Variants in ELOVL2 observed in about 807,000 individuals in gnomAD.
ELOVL2 encodes the protein ELOVL fatty acid elongase 2, also known as very long chain fatty acid elongase 2.
Under a neutral mutation model 37.7 loss-of-function variants are expected in ELOVL2, and 38 were observed. The observed-to-expected ratio is 1.01, with a 90% confidence interval of 0.78 to 1.32. The LOEUF (loss-of-function observed/expected upper bound fraction) is 1.32, where lower values mean the gene tolerates loss of function less well. ELOVL2 is among the 40% of genes most tolerant of loss of function. ELOVL2 has a pLI of 0.00. For synonymous variants in ELOVL2, 115 were observed against 122.3 expected, an observed-to-expected ratio of 0.94 and a Z score of 0.40; for missense variants, 352 against 363.6, an observed-to-expected ratio of 0.97 and a Z score of 0.26.
rs181000324 is a variant in ELOVL2 at position 10,983,444 on chromosome 6, T to C, written c.*337A>G. On this transcript the variant is annotated 3_prime_UTR_variant, in exon 8 of 8. Transcript: ENST00000354666. ...AACAAAACCCTTTTTATTTGGAGAC[T>C]CTCTGTGAGAAACAATGCTCCACGT... 116 of 178,220 alleles carry C rather than the reference T, an allele frequency of 6.5e-4. No individual in the cohort carries two copies. Among genetic ancestry groups the C allele is most frequent in the Non-Finnish European group, 1.1e-3 (96 of 85,026 alleles). 11.0% of individuals were successfully genotyped at this position (178,220 alleles called of 1,614,324 possible).
In ELOVL2 at chr6:10,983,140, A is replaced by G. The variant is rs1352495461; in HGVS notation, c.*641T>C. Reference sequence around the variant, plus strand: ...GAAGCATTTTTTTCTCCTTAGAATAACTAATATTTAAAATAAATACCAATT... The same window carrying G: ...GAAGCATTTTTTTCTCCTTAGAATAGCTAATATTTAAAATAAATACCAATT... On this transcript the variant is annotated 3_prime_UTR_variant, in exon 8 of 8. Transcript: ENST00000354666. 2.0e-5 allele frequency: 3 copies of G among 152,226 alleles called. No homozygotes were observed. The highest frequency in any genetic ancestry group is 7.2e-5 in the African/African-American group (3 of 41,460). 9.4% of individuals were successfully genotyped at this position (152,226 alleles called of 1,614,324 possible).
At position 11,000,207 on chromosome 6, in the gene ELOVL2, A is replaced by G. The variant is rs749521400; in HGVS notation, c.256-43T>C. The G allele has an allele frequency of 9.0e-6, 14 of 1,559,306 alleles. No individual in the cohort carries two copies. The Admixed American group carries it at 2.4e-4, about 26-fold the overall frequency. On this transcript the variant is annotated intron_variant, in intron 3 of 7. Coordinates refer to ENST00000354666, the MANE Select transcript of ELOVL2 (RefSeq NM_017770.4). ...AAGAAAGAAAAACAAACATCAGCAC[A>G]AGAATTTGGATACAGACTGAATTTC...
At chr6:11,036,694 C>T (rs1271043311) in intron 1 of ELOVL2, among the ~76,000 whole-genome samples, 1 of 151,702 alleles carries the variant, frequency 6.6e-6, no homozygotes, top group African/African-American at 2.4e-5. Flanking sequence ...TTCCCTGTAA[C>T]AATTTCAGGA....
intron 1 of ELOVL2, among the ~76,000 whole-genome samples, chr6:11,029,864 ATATT>A (rs1278076040): frequency 6.6e-6 from 1 of 152,126 alleles, no homozygotes; most frequent in Non-Finnish European, 1.5e-5. Flanking sequence ...TAGGAAACAA[ATATT>A]TATGGTGTGC....
intron 5 of ELOVL2, among the ~76,000 whole-genome samples, chr6:10,994,486 A>AAAG (rs55746116): frequency 6.6e-6 from 1 of 150,752 alleles, no homozygotes; most frequent in Non-Finnish European, 1.5e-5. Flanking sequence ...AAAAAAAAGA[A>AAAG]CAAATATGAA....
chr6:11,003,181 G>C (rs1353838096), intron 3 of ELOVL2, among the ~76,000 whole-genome samples: 1 of 152,160 alleles, frequency 6.6e-6, no homozygotes, highest in Non-Finnish European at 1.5e-5. Flanking sequence ...TACATGTGCA[G>C]AATGTGCAGG....
intron 1 of ELOVL2, among the ~76,000 whole-genome samples, chr6:11,019,442 G>A (rs1782732326): frequency 1.3e-5 from 2 of 152,204 alleles, no homozygotes; most frequent in South Asian, 4.1e-4. Flanking sequence ...CTTAAAGAAT[G>A]CTTTCCTGTA....
intron 1 of ELOVL2, among the ~76,000 whole-genome samples, chr6:11,041,107 G>A (rs1475114032): frequency 1.3e-5 from 2 of 152,132 alleles, no homozygotes; most frequent in Non-Finnish European, 2.9e-5. Context: ...TGATGCTGGC[G>A]TATTTTCACC....
chr6:11,017,100 C>T (rs1287700052), intron 1 of ELOVL2, among the ~76,000 whole-genome samples: 1 of 152,102 alleles, frequency 6.6e-6, no homozygotes, highest in East Asian at 1.9e-4. Flanking sequence ...AACTGTCTAC[C>T]TTAGGTTCTA....
chr6:11,035,346 GGC>G (rs1403092361), intron 1 of ELOVL2, among the ~76,000 whole-genome samples: 1 of 152,116 alleles, frequency 6.6e-6, no homozygotes, highest in Non-Finnish European at 1.5e-5. Flanking sequence ...CAGATCCCTA[GGC>G]CCCTCCTCAG....
In ELOVL2 at chr6:10,983,531, G is replaced by C. The variant is rs1400226782; in HGVS notation, c.*250C>G. The C allele has an allele frequency of 3.1e-6, 1 of 324,066 alleles. No homozygotes were observed. The highest frequency in any genetic ancestry group is 5.6e-6 in the Non-Finnish European group (1 of 178,522). The allele number at this position is 324,066 out of a possible 1,614,324, so 20.1% of individuals were successfully genotyped here. A position where few individuals can be genotyped will look rare whatever the true frequency, so the allele number is the denominator to read the frequency against. On this transcript the variant is annotated 3_prime_UTR_variant, in exon 8 of 8. Transcript: ENST00000354666. ...CAGCTTCTGGCGAAAGGTTCAGTCTGTGGGAGGGAGGGAGAGAGAAGCTGC... is the reference window on the plus strand; with the variant it reads ...CAGCTTCTGGCGAAAGGTTCAGTCTCTGGGAGGGAGGGAGAGAGAAGCTGC...
At chr6:11,018,848 A>G (rs1782722189) in intron 1 of ELOVL2, among the ~76,000 whole-genome samples, 1 of 152,240 alleles carries the variant, frequency 6.6e-6, no homozygotes, top group African/African-American at 2.4e-5. Context: ...AAACTTGTTT[A>G]TACTTATTAT....
Position 10,982,424 on chromosome 6 carries a change from G to A in ELOVL2, c.*1357C>T, listed in dbSNP as rs569798307. The A allele has an allele frequency of 3.9e-5, 6 of 152,240 alleles. No homozygotes were observed. In the South Asian group the frequency reaches 1.2e-3, roughly 32 times the overall value. The allele number at this position is 152,240 out of a possible 1,614,324, so 9.4% of individuals were successfully genotyped here. On this transcript the variant is annotated 3_prime_UTR_variant, in exon 8 of 8. Coordinates refer to ENST00000354666, the MANE Select transcript of ELOVL2 (RefSeq NM_017770.4). ...ACTTATTTAAAAAAATAAGGCAGGAGAGAAGATGAAGTGACTTCATCGAAG... is the reference window on the plus strand; with the variant it reads ...ACTTATTTAAAAAAATAAGGCAGGAAAGAAGATGAAGTGACTTCATCGAAG...
rs1554114355 is a variant in ELOVL2, at chr6:11,043,467, A to AACACACACACACAC, written c.3+747_3+760dup. ...TCAGGCAGTTCATCGGACACGGGTG[A>AACACACACACACAC]ACACACACACACACACACACAGCTT... On this transcript the variant is annotated intron_variant, in intron 1 of 7. Transcript: ENST00000354666. 70 of 107,268 alleles carry AACACACACACACAC rather than the reference A, an allele frequency of 6.5e-4. 4 individuals are homozygous for AACACACACACACAC. Among genetic ancestry groups the AACACACACACACAC allele is most frequent in the East Asian group, 5.4e-3 (17 of 3,134 alleles). The allele number at this position is 107,268 out of a possible 1,614,324, so 6.6% of individuals were successfully genotyped here.
At chr6:10,992,634 C>A (rs1239833965) in intron 5 of ELOVL2, among the ~76,000 whole-genome samples, 1 of 151,352 alleles carries the variant, frequency 6.6e-6, no homozygotes, top group Non-Finnish European at 1.5e-5. Flanking sequence ...ATTAAAAGTA[C>A]AAAAATTAGC....
Position 11,044,226 on chromosome 6 carries a change from AC to A in ELOVL2, c.3+1del. The stretch of plus-strand genomic sequence containing the variant: ...TCGGTGGCGGCGCGCGGCCCCACTC[AC>A]CATGATCCGCAGCGGCTGTGGCGCG... On this transcript the variant is annotated splice_donor_variant, in intron 1 of 7. Coordinates refer to ENST00000354666, the MANE Select transcript of ELOVL2 (RefSeq NM_017770.4). LOFTEE classifies it high-confidence loss of function. This position sits in a 1 kb window ranked among gnomAD's most constrained non-coding sequence, Gnocchi z 5.6. The A allele has an allele frequency of 7.1e-7, 1 of 1,401,658 alleles. No individual in the cohort carries two copies. Among genetic ancestry groups the A allele is most frequent in the South Asian group, 1.6e-5 (1 of 61,428 alleles). 86.8% of individuals were successfully genotyped at this position (1,401,658 alleles called of 1,614,324 possible).
intron 1 of ELOVL2, among the ~76,000 whole-genome samples, chr6:11,026,766 G>A (rs10498676): frequency 0.19 from 28,215 of 152,170 alleles, 3,461 homozygotes; most frequent in East Asian, 0.44. Flanking sequence ...ATTTATTGCC[G>A]TCTGTGGATC....
intron 1 of ELOVL2, among the ~76,000 whole-genome samples, chr6:11,025,278 T>C: frequency 6.6e-6 from 1 of 152,192 alleles, no homozygotes. Flanking sequence ...ATAAGAATTT[T>C]GAAACCACTA....
intron 1 of ELOVL2, among the ~76,000 whole-genome samples, chr6:11,039,575 T>A (rs1783069527): frequency 6.6e-6 from 1 of 152,172 alleles, no homozygotes; most frequent in Admixed American, 6.5e-5. Flanking sequence ...TTTTCTTATG[T>A]TAGAAATATT....
Sources: gnomAD v4.1 joint callset for allele counts (sites outside exome capture counted in the v4.1 genomes callset) on GRCh38, gnomAD v4.1.1 for gene constraint, Gnocchi (gnomAD v3.1) non-coding constraint, MANE v1.5 for transcripts, NCBI Gene and HGNC (gene_info 2026-07-23, HGNC 2026-07-21) for gene names.